The following TTC29 variants were observed in gnomAD, a reference collection of about 807,000 sequenced individuals.
TTC29 encodes tetratricopeptide repeat protein 29.
A neutral mutation model predicts 58.1 loss-of-function variants in TTC29; 49 were observed. That is an observed-to-expected ratio of 0.84 (90% CI 0.67 to 1.07). TTC29 has a LOEUF of 1.07. Among genes scored for constraint, TTC29 ranks in the 50% least tolerant of loss-of-function variants. The probability of loss-of-function intolerance (pLI) is 0.00; values close to 1 mark genes in which losing one functional copy is unlikely to be tolerated. For missense variants in TTC29, 582 were observed against 555.6 expected, an observed-to-expected ratio of 1.05 and a Z score of -0.48; for synonymous variants, 209 against 196.8, an observed-to-expected ratio of 1.06 and a Z score of -0.52.
intron 8 of TTC29, among the ~76,000 whole-genome samples, chr4:146,842,197 C>G (rs1485814135): frequency 6.6e-6 from 1 of 152,012 alleles, no homozygotes; most frequent in African/African-American, 2.4e-5. Flanking sequence ...TTGAGAAACC[C>G]TCAGCTGGCC....
chr4:146,924,200 T>C (rs1734777947), intron 4 of TTC29, among the ~76,000 whole-genome samples: 1 of 151,908 alleles, frequency 6.6e-6, no homozygotes, highest in Non-Finnish European at 1.5e-5. Flanking sequence ...CCCTAATTAA[T>C]ACATGTGATA....
At chr4:146,870,048 G>A (rs1248453750) in intron 7 of TTC29, among the ~76,000 whole-genome samples, 1 of 152,054 alleles carries the variant, frequency 6.6e-6, no homozygotes, top group Non-Finnish European at 1.5e-5. Context: ...GCTGACAAAT[G>A]TTCCAGAGGG....
chr4:146,933,850 C>G (rs1290948691), intron 4 of TTC29, among the ~76,000 whole-genome samples: 1 of 152,168 alleles, frequency 6.6e-6, no homozygotes, highest in East Asian at 1.9e-4. Flanking sequence ...ACCCCCATCA[C>G]TTGGGTTTGG....
intron 8 of TTC29, among the ~76,000 whole-genome samples, chr4:146,850,820 A>G (rs931063051): frequency 6.6e-5 from 10 of 152,226 alleles, no homozygotes; most frequent in African/African-American, 2.4e-4. Context: ...CTATGATATT[A>G]TAAACTTATA....
intron 10 of TTC29, among the ~76,000 whole-genome samples, chr4:146,817,134 G>C (rs1156442582): frequency 6.6e-6 from 1 of 152,208 alleles, no homozygotes; most frequent in African/African-American, 2.4e-5. Flanking sequence ...AAAAGAGGAA[G>C]TCAAATTGTC....
At chr4:146,908,283 A>G (rs1733660310) in intron 5 of TTC29, among the ~76,000 whole-genome samples, 1 of 152,224 alleles carries the variant, frequency 6.6e-6, no homozygotes, top group South Asian at 2.1e-4. Context: ...TACCAAATTT[A>G]CATGCCAAAT....
At chr4:146,833,398 T>C (rs1579786024) in intron 9 of TTC29, among the ~76,000 whole-genome samples, 1 of 152,318 alleles carries the variant, frequency 6.6e-6, no homozygotes. Flanking sequence ...GATGTCTTAA[T>C]GGAAAAGCAT....
intron 11 of TTC29, among the ~76,000 whole-genome samples, chr4:146,796,159 G>A (rs1749821364): frequency 6.6e-6 from 1 of 150,622 alleles, no homozygotes; most frequent in Non-Finnish European, 1.5e-5. Context: ...GTTAAAACTG[G>A]TAACACCACC....
At chr4:146,890,254 C>T (rs944794098) in intron 6 of TTC29, among the ~76,000 whole-genome samples, 1 of 152,090 alleles carries the variant, frequency 6.6e-6, no homozygotes, top group Non-Finnish European at 1.5e-5. Context: ...GTTAAGAGCT[C>T]AACATCTTTT....
At chr4:146,867,451 T>C (rs1442473874) in intron 8 of TTC29, 47 bp downstream of exon 8, 2 of 928,510 alleles carry the variant, frequency 2.2e-6, no homozygotes, top group Admixed American at 6.7e-5. Context: ...AAAATAAATA[T>C]ACTAAAATAA....
At chr4:146,879,479 C>A (rs958874212) in intron 6 of TTC29, among the ~76,000 whole-genome samples, 6 of 151,944 alleles carry the variant, frequency 3.9e-5, no homozygotes, top group African/African-American at 1.5e-4. Context: ...ATTCAATTTA[C>A]CTGAGAGAAA....
At chr4:146,879,574 A>C (rs969397656) in intron 6 of TTC29, among the ~76,000 whole-genome samples, 1 of 152,214 alleles carries the variant, frequency 6.6e-6, no homozygotes, top group Non-Finnish European at 1.5e-5. Flanking sequence ...ATTTTCTAAC[A>C]TGGCTTATAG....
intron 11 of TTC29, among the ~76,000 whole-genome samples, chr4:146,778,914 G>A (rs1044910195): frequency 1.5e-5 from 2 of 132,782 alleles, no homozygotes; most frequent in Non-Finnish European, 3.1e-5. Context: ...CACTAAAAGC[G>A]CAGACTTTAC....
chr4:146,718,128 AT>A (rs533356238), intron 11 of TTC29, among the ~76,000 whole-genome samples: 16 of 152,054 alleles, frequency 1.1e-4, no homozygotes, highest in Non-Finnish European at 2.1e-4. Context: ...TTATCCATTC[AT>A]TGGTTTATGG....
intron 12 of TTC29, 83 bp downstream of exon 12, chr4:146,707,402 T>C (rs1742038593): frequency 1.9e-6 from 2 of 1,034,070 alleles, no homozygotes; most frequent in Non-Finnish European, 2.9e-6. Flanking sequence ...AGCTCCTCTT[T>C]TTGTGTTTGG....
intron 11 of TTC29, among the ~76,000 whole-genome samples, chr4:146,730,496 G>C (rs773300276): frequency 1.3e-5 from 2 of 152,144 alleles, no homozygotes; most frequent in Non-Finnish European, 2.9e-5. Context: ...AATAATTAGA[G>C]AATGAATGCA....
At chr4:146,743,217 G>T (rs1745293526) in intron 11 of TTC29, among the ~76,000 whole-genome samples, 1 of 152,114 alleles carries the variant, frequency 6.6e-6, no homozygotes, top group South Asian at 2.1e-4. Flanking sequence ...TTGGGAGGGT[G>T]GGTGAATGCA....
intron 11 of TTC29, among the ~76,000 whole-genome samples, chr4:146,729,655 T>G (rs991836221): frequency 1.3e-5 from 2 of 152,012 alleles, no homozygotes; most frequent in Admixed American, 1.3e-4. Flanking sequence ...TAATTTATTT[T>G]AAAAAAAGAT....
chr4:146,872,072 A>G (rs1730969653), intron 7 of TTC29, among the ~76,000 whole-genome samples: 1 of 152,096 alleles, frequency 6.6e-6, no homozygotes. Context: ...AGGCAATAGA[A>G]TTGAGAATCC....
Sources: gnomAD v4.1 joint callset for allele counts (sites outside exome capture counted in the v4.1 genomes callset) on GRCh38, gnomAD v4.1.1 for gene constraint, MANE v1.5 for transcripts, NCBI Gene and HGNC (gene_info 2026-07-23, HGNC 2026-07-21) for gene names.